The following PALLD variants were observed in gnomAD, a reference collection of about 807,000 sequenced individuals.
PALLD encodes palladin, cytoskeletal associated protein.
Under a neutral mutation model 123.5 loss-of-function variants are expected in PALLD, and 61 were observed. The observed-to-expected ratio is 0.49, with a 90% CI of 0.40 to 0.61. The LOEUF (loss-of-function observed/expected upper bound fraction) is 0.61, where lower values mean the gene tolerates loss of function less well. Among genes scored for constraint, PALLD ranks in the 20% least tolerant of loss-of-function variants. The probability of loss-of-function intolerance (pLI) is 0.00; values close to 1 mark genes in which losing one functional copy is unlikely to be tolerated. For synonymous variants in PALLD, 465 were observed against 496.4 expected, an observed-to-expected ratio of 0.94 and a Z score of 0.84; for missense variants, 1,273 against 1,377.0, an observed-to-expected ratio of 0.92 and a Z score of 1.20.
Position 168,927,641 on chromosome 4 carries a change from A to C in PALLD, c.*1461A>C, listed in dbSNP as rs889541088. The C allele has an allele frequency of 4.4e-6, 1 of 226,658 alleles. No individual in the cohort carries two copies. Among genetic ancestry groups the C allele is most frequent in the Non-Finnish European group, 8.8e-6 (1 of 113,782 alleles). The allele number at this position is 226,658 out of a possible 1,614,324, so 14.0% of individuals were successfully genotyped here. A position where few individuals can be genotyped will look rare whatever the true frequency, so the allele number is the denominator to read the frequency against. On this transcript the variant is annotated 3_prime_UTR_variant, in exon 22 of 22. Transcript: ENST00000505667. ...TGTGGTAAATGAAAATTATTAGTTC[A>C]CTTCCCTGCTGCCATGAAACTTTGC...
intron 10 of PALLD, among the ~76,000 whole-genome samples, chr4:168,746,154 T>C (rs979178752): frequency 6.6e-6 from 1 of 152,038 alleles, no homozygotes; most frequent in African/African-American, 2.4e-5. Context: ...ATTTCCTTTT[T>C]TCCCTCCCCC....
rs376280956 is a variant in PALLD at position 168,646,708 on chromosome 4, A to G, written c.909-21482A>G. On this transcript the variant is annotated intron_variant, in intron 2 of 21. Transcript: ENST00000505667. The stretch of plus-strand genomic sequence containing the variant: ...AGATTAATTTCTATGGCTCCAAGCA[A>G]TGATTACAGAAACATCCTATTTCTC... Among the ~76,000 whole-genome samples the G allele has an allele frequency of 8.5e-5, 13 of 152,340 alleles. No individual in the cohort carries two copies. In the South Asian group the frequency reaches 1.0e-3, roughly 12 times the overall value.
chr4:168,564,264 G>A (rs911980075), intron 2 of PALLD, among the ~76,000 whole-genome samples: 8 of 152,186 alleles, frequency 5.3e-5, no homozygotes, highest in Non-Finnish European at 1.2e-4. Flanking sequence ...GCGAGGTGAG[G>A]TTAGATAAGG....
chr4:168,820,580 A>G (rs151171985), intron 10 of PALLD, among the ~76,000 whole-genome samples: 153 of 152,278 alleles, frequency 1.0e-3, no homozygotes, highest in African/African-American at 3.4e-3. Context: ...AGATTTAGAC[A>G]AAGTATCAGC....
intron 1 of PALLD, among the ~76,000 whole-genome samples, chr4:168,500,920 T>A (rs909878993): frequency 6.6e-6 from 1 of 152,224 alleles, no homozygotes; most frequent in Non-Finnish European, 1.5e-5. Flanking sequence ...AGGATAGTCA[T>A]GCCAAGATAA....
intron 10 of PALLD, among the ~76,000 whole-genome samples, chr4:168,772,010 C>T (rs1454067790): frequency 2.0e-5 from 3 of 152,138 alleles, no homozygotes; most frequent in Non-Finnish European, 4.4e-5. Context: ...AACATCAGCA[C>T]AGGTATACTC....
chr4:168,754,577 G>A (rs1398430373), intron 10 of PALLD, among the ~76,000 whole-genome samples: 1 of 152,102 alleles, frequency 6.6e-6, no homozygotes, highest in Non-Finnish European at 1.5e-5. Context: ...TCATTACATG[G>A]TGATGATTTG....
At chr4:168,888,151 C>T (rs1471211543) in intron 10 of PALLD, among the ~76,000 whole-genome samples, 1 of 152,130 alleles carries the variant, frequency 6.6e-6, no homozygotes, top group Non-Finnish European at 1.5e-5. Context: ...TTCCATGGTA[C>T]TAGAAATTGA....
At chr4:168,752,425 C>T (rs1159916973) in intron 10 of PALLD, among the ~76,000 whole-genome samples, 1 of 152,186 alleles carries the variant, frequency 6.6e-6, no homozygotes, top group Non-Finnish European at 1.5e-5. Flanking sequence ...TATGTTCATT[C>T]CTTGCAGTCA....
At chr4:168,718,930 C>T (rs1194185961) in intron 10 of PALLD, among the ~76,000 whole-genome samples, 7 of 128,678 alleles carry the variant, frequency 5.4e-5, no homozygotes, top group African/African-American at 1.5e-4. Context: ...TTTTTTGAGA[C>T]GGAGTCTCGC....
chr4:168,628,314 T>G (rs1217983115), intron 2 of PALLD, among the ~76,000 whole-genome samples: 1 of 152,202 alleles, frequency 6.6e-6, no homozygotes, highest in African/African-American at 2.4e-5. Context: ...TGCATGTAAG[T>G]CTCATCGTGT....
chr4:168,561,364 C>T (rs146266661), intron 2 of PALLD, among the ~76,000 whole-genome samples: 3 of 152,188 alleles, frequency 2.0e-5, no homozygotes, highest in East Asian at 3.9e-4. Flanking sequence ...TAGGGTTAAA[C>T]GATCCTCTTA....
chr4:168,548,306 GATGAAAA>G (rs577769277), intron 2 of PALLD, among the ~76,000 whole-genome samples: 151 of 144,030 alleles, frequency 1.0e-3, no homozygotes, highest in African/African-American at 2.9e-3. Context: ...CTTTTTTTCA[GATGAAAA>G]AAGGAAAAGA....
chr4:168,912,805 A>G (rs999872983), intron 15 of PALLD, among the ~76,000 whole-genome samples: 2 of 152,236 alleles, frequency 1.3e-5, no homozygotes, highest in Admixed American at 6.5e-5. Flanking sequence ...GTGAAACACT[A>G]AAACTTTTTC....
chr4:168,632,188 T>A (rs559185538), intron 2 of PALLD, among the ~76,000 whole-genome samples: 1 of 148,540 alleles, frequency 6.7e-6, no homozygotes, highest in East Asian at 2.0e-4. Context: ...CACCTCACCC[T>A]TTTTTTTTTC....
At chr4:168,586,538 C>T (rs1028129009) in intron 2 of PALLD, among the ~76,000 whole-genome samples, 1 of 152,124 alleles carries the variant, frequency 6.6e-6, no homozygotes, top group Non-Finnish European at 1.5e-5. Flanking sequence ...ACTGGTAAAA[C>T]TGAGATAGCC....
At chr4:168,628,852 G>A (rs1469260290) in intron 2 of PALLD, among the ~76,000 whole-genome samples, 2 of 149,134 alleles carry the variant, frequency 1.3e-5, no homozygotes, top group Non-Finnish European at 3.0e-5. Context: ...GTCCCCTGCT[G>A]TGTTACCAAC....
At chr4:168,499,484 A>G (rs1394267677) in intron 1 of PALLD, among the ~76,000 whole-genome samples, 1 of 152,170 alleles carries the variant, frequency 6.6e-6, no homozygotes, top group Non-Finnish European at 1.5e-5. Context: ...TTATTAAAAG[A>G]TATTTCAATA....
At chr4:168,556,587 T>A (rs1267978002) in intron 2 of PALLD, among the ~76,000 whole-genome samples, 2 of 152,200 alleles carry the variant, frequency 1.3e-5, no homozygotes, top group African/African-American at 4.8e-5. Context: ...AGCCTGCCTT[T>A]TAAAAGCTCA....
Sources: gnomAD v4.1 joint callset for allele counts (sites outside exome capture counted in the v4.1 genomes callset) on GRCh38, gnomAD v4.1.1 for gene constraint, MANE v1.5 for transcripts, NCBI Gene and HGNC (gene_info 2026-07-23, HGNC 2026-07-21) for gene names.